The following ILDR1 variants were observed in gnomAD, a reference collection of about 807,000 sequenced individuals.
ILDR1 encodes the protein immunoglobulin like domain containing receptor 1, also known as immunoglobulin-like domain-containing receptor 1.
A neutral mutation model predicts 62.4 loss-of-function variants in ILDR1; 56 were observed. The ratio of observed to expected loss-of-function variants is 0.90; its 90% confidence interval spans 0.72 to 1.12. ILDR1 has a LOEUF of 1.12. Among genes scored for constraint, ILDR1 ranks in the 50% most tolerant of loss-of-function variants. The pLI, the probability that ILDR1 is intolerant of heterozygous loss-of-function variation, is 0.00. For missense variants in ILDR1, 736 were observed against 710.6 expected (o/e 1.04, Z -0.41); for synonymous variants, 284 against 277.8 (o/e 1.02, Z -0.22).
the ILDR1 span, among the ~76,000 whole-genome samples, chr3:122,048,838 G>A: frequency 2.0e-5 from 3 of 151,574 alleles, no homozygotes; most frequent in Admixed American, 6.6e-5. Flanking sequence ...GTCTTGCTAC[G>A]TTGCCCAGGC....
upstream of ILDR1, among the ~76,000 whole-genome samples, chr3:122,024,235 G>C (rs1009121639): frequency 2.6e-5 from 4 of 152,104 alleles, no homozygotes; most frequent in African/African-American, 4.8e-5. Context: ...GAGTGTTAAT[G>C]TACATTTGAA....
At chr3:122,036,825 A>G in the ILDR1 span, among the ~76,000 whole-genome samples, 1 of 152,152 alleles carries the variant, frequency 6.6e-6, no homozygotes, top group African/African-American at 2.4e-5. Context: ...CCTAGGAGGG[A>G]AAAATGGTTT....
the ILDR1 span, among the ~76,000 whole-genome samples, chr3:122,061,042 C>A: frequency 1.3e-5 from 2 of 152,080 alleles, no homozygotes; most frequent in Admixed American, 1.3e-4. Flanking sequence ...AGCCAAACAA[C>A]CCTAATGTCA....
At chr3:122,026,773 A>G (rs2071924633), upstream of ILDR1, among the ~76,000 whole-genome samples, 1 of 152,224 alleles carries the variant, frequency 6.6e-6, no homozygotes, top group Non-Finnish European at 1.5e-5. Context: ...TCTGGGAACA[A>G]GTATGTTTAT....
rs561667405 is a variant in ILDR1 at position 122,013,065 on chromosome 3, G to T, written c.59-5904C>A. ...CGCCATCAGGTACTTTCCAAGGCCA[G>T]GCTGCTGTGCTGAGTGGGGACTACC... On this transcript the variant is annotated intron_variant, in intron 1 of 7. Transcript: ENST00000344209. Among the ~76,000 whole-genome samples, 20 of 152,298 alleles carry T rather than the reference G, an allele frequency of 1.3e-4. No homozygotes were observed. The South Asian group carries it at 3.9e-3, about 30-fold the overall frequency.
upstream of ILDR1, among the ~76,000 whole-genome samples, chr3:122,022,806 G>C (rs953643037): frequency 1.3e-5 from 2 of 152,024 alleles, no homozygotes; most frequent in Non-Finnish European, 2.9e-5. Context: ...TCAGCTACTC[G>C]GGACGCTGAG....
chr3:121,995,705 G>C (rs1193018932), intron 5 of ILDR1, among the ~76,000 whole-genome samples: 2 of 152,154 alleles, frequency 1.3e-5, no homozygotes, highest in African/African-American at 2.4e-5. Flanking sequence ...CCTCTGCAGA[G>C]ATGCCTCTCC....
At chr3:122,045,314 T>C in the ILDR1 span, among the ~76,000 whole-genome samples, 3 of 149,730 alleles carry the variant, frequency 2.0e-5, no homozygotes, top group Admixed American at 2.0e-4. Context: ...CTTTTACATT[T>C]GCTGAGGAGA....
chr3:122,029,284 A>C, the ILDR1 span, among the ~76,000 whole-genome samples: 3 of 152,034 alleles, frequency 2.0e-5, no homozygotes, highest in Admixed American at 6.5e-5. Flanking sequence ...AGGTGGGTGG[A>C]TCACTTGAGG....
intron 1 of ILDR1, among the ~76,000 whole-genome samples, chr3:122,015,963 C>T (rs996820015): frequency 1.3e-5 from 2 of 152,116 alleles, no homozygotes; most frequent in African/African-American, 4.8e-5. Flanking sequence ...CTCCCAATTC[C>T]TCCTCCTTAA....
In ILDR1 at chr3:122,001,817, A is replaced by T. The variant is rs2071532277; in HGVS notation, c.427T>A (p.Tyr143Asn). Residue 143 changes from tyrosine (Y) to asparagine (N), a missense_variant, in exon 4 of 8, where the codon TAT becomes AAT. By Grantham distance (143) the Tyr-to-Asn change is moderately radical (BLOSUM62 -2). Coordinates refer to ENST00000344209, the MANE Select transcript of ILDR1 (RefSeq NM_001199799.2). Reference sequence around the variant, plus strand: ...CCTGGAGCCTCAATGGTGCAGTAATACACTCCATGGTCCCACCACATCACT... The same window carrying T: ...CCTGGAGCCTCAATGGTGCAGTAATTCACTCCATGGTCCCACCACATCACT... Reference protein sequence around the residue: ...NEVMWWDHGVYYCTIEAPGDT... With the variant: ...NEVMWWDHGVNYCTIEAPGDT... The T allele has an allele frequency of 6.2e-7, 1 of 1,613,502 alleles. No individual in the cohort carries two copies. The highest frequency in any genetic ancestry group is 1.3e-5 in the African/African-American group (1 of 74,858).
intron 7 of ILDR1, among the ~76,000 whole-genome samples, chr3:121,990,073 T>C (rs1259702329): frequency 6.6e-6 from 1 of 152,206 alleles, no homozygotes; most frequent in African/African-American, 2.4e-5. Flanking sequence ...CTTCCAGTGC[T>C]GCATGATGGA....
rs1264645161 is a variant in ILDR1, at chr3:121,993,416, C to G, written c.1333G>C (p.Glu445Gln). 1 of 1,613,920 alleles carries G rather than the reference C, an allele frequency of 6.2e-7. No individual in the cohort carries two copies. Among genetic ancestry groups the G allele is most frequent in the South Asian group, 1.1e-5 (1 of 91,064 alleles). ...CGGGGGCTGGGCCTGCGGGGCCTCT[C>G]CTGACAGCGGCTCCTGAAAGGAGGG... ...SHPPFRSRCQ[E>Q]RPRRPSPRES... Residue 445 changes from glutamate to glutamine, a missense_variant, in exon 7 of 8, where the codon GAG becomes CAG. Glu to Gln is a conservative substitution (Grantham distance 29). Transcript: ENST00000344209.
At chr3:122,009,929 C>G (rs2071678837) in intron 1 of ILDR1, among the ~76,000 whole-genome samples, 1 of 152,222 alleles carries the variant, frequency 6.6e-6, no homozygotes, top group Non-Finnish European at 1.5e-5. Flanking sequence ...CCACCTATCT[C>G]CAGGACTGGG....
At chr3:122,036,087 C>T in the ILDR1 span, among the ~76,000 whole-genome samples, 1 of 151,998 alleles carries the variant, frequency 6.6e-6, no homozygotes, top group Admixed American at 6.6e-5. Context: ...TAAAGGTCAC[C>T]CTTACTATGC....
At chr3:122,053,144 G>A in the ILDR1 span, among the ~76,000 whole-genome samples, 2 of 152,106 alleles carry the variant, frequency 1.3e-5, no homozygotes, top group African/African-American at 4.8e-5. Flanking sequence ...GCACAGGCTG[G>A]GGTTTCTCAT....
the ILDR1 span, among the ~76,000 whole-genome samples, chr3:122,043,259 T>C: frequency 6.6e-6 from 1 of 151,502 alleles, no homozygotes; most frequent in Non-Finnish European, 1.5e-5. Context: ...GGCTCTGTTC[T>C]GTTCCATTGA....
At chr3:122,016,213 T>C (rs1266245706) in intron 1 of ILDR1, among the ~76,000 whole-genome samples, 1 of 152,258 alleles carries the variant, frequency 6.6e-6, no homozygotes, top group Non-Finnish European at 1.5e-5. Flanking sequence ...TCAGTACTCA[T>C]GCATCATCCC....
At chr3:122,045,637 T>G in the ILDR1 span, among the ~76,000 whole-genome samples, 1 of 151,598 alleles carries the variant, frequency 6.6e-6, no homozygotes, top group Non-Finnish European at 1.5e-5. Context: ...GATAGTTAGC[T>G]CCTCTTGTTG....
Sources: gnomAD v4.1 joint callset for allele counts (sites outside exome capture counted in the v4.1 genomes callset) on GRCh38, gnomAD v4.1.1 for gene constraint, MANE v1.5 for transcripts, NCBI Gene and HGNC (gene_info 2026-07-23, HGNC 2026-07-21) for gene names.